MTAP: variants seen among roughly 807,000 people sequenced by gnomAD.
The protein encoded by MTAP is S-methyl-5'-thioadenosine phosphorylase.
In MTAP, 33 loss-of-function variants were observed where a neutral mutation model predicts 33.6. That is an observed-to-expected ratio of 0.98 (90% CI 0.74 to 1.31). The LOEUF is 1.31. MTAP is among the 40% of genes most tolerant of loss of function. MTAP has a pLI of 0.00. For synonymous variants in MTAP, 148 were observed against 125.7 expected (o/e 1.18, Z -1.19); for missense variants, 367 against 360.0 (o/e 1.02, Z -0.16).
chr9:21,912,467 G>T (rs1030762455), intron 1 of MTAP, among the ~76,000 whole-genome samples: 10 of 152,168 alleles, frequency 6.6e-5, no homozygotes, highest in African/African-American at 2.4e-4. Flanking sequence ...GGGATGCAAG[G>T]CTGGTTCAAC....
At position 21,862,051 on chromosome 9, in the gene MTAP, A is replaced by G. The variant is rs375541397; in HGVS notation, c.*37A>G. On this transcript the variant is annotated 3_prime_UTR_variant, in exon 8 of 8. Coordinates refer to ENST00000644715, the MANE Select transcript of MTAP (RefSeq NM_002451.4). Reference sequence around the variant, plus strand: ...TGCCCAGGAGAAAAGAAGACATTCTAATTCCAGTCATTTTGGGAATTCCTG... The same window carrying G: ...TGCCCAGGAGAAAAGAAGACATTCTGATTCCAGTCATTTTGGGAATTCCTG... 6.2e-7 allele frequency: 1 copy of G among 1,610,292 alleles called. No individual in the cohort carries two copies. The highest frequency in any genetic ancestry group is 1.3e-5 in the African/African-American group (1 of 74,868).
chr9:21,935,062 G>A (rs1819021241), downstream of MTAP: 1 of 152,090 alleles, frequency 6.6e-6, no homozygotes. Flanking sequence ...TGTAAAAATT[G>A]TTAATAGGAA....
intron 1 of MTAP, among the ~76,000 whole-genome samples, chr9:21,915,055 CCTTTCTTT>C (rs1222666142): frequency 2.7e-4 from 7 of 25,854 alleles, no homozygotes; most frequent in South Asian, 2.1e-3. Context: ...TTCCTTCCTT[CCTTTCTTT>C]CTTTCTTTCT....
chr9:21,843,127 GA>G (rs1382358995), intron 5 of MTAP, among the ~76,000 whole-genome samples: 4 of 152,134 alleles, frequency 2.6e-5, no homozygotes, highest in African/African-American at 7.2e-5. Context: ...TTTTATATCA[GA>G]AAAGAACAGA....
intron 4 of MTAP, among the ~76,000 whole-genome samples, chr9:21,819,479 T>C (rs535969376): frequency 1.3e-5 from 2 of 152,354 alleles, no homozygotes; most frequent in African/African-American, 2.4e-5. Context: ...CTAATCCCTT[T>C]TTATGGCTGC....
chr9:21,854,937 G>A lies in MTAP; in HGVS notation c.690+67G>A, dbSNP rs563116699. 1.5e-5 allele frequency: 23 copies of A among 1,554,854 alleles called. No homozygotes were observed. The South Asian group carries it at 2.7e-4, about 18-fold the overall frequency. On this transcript the variant is annotated intron_variant, in intron 6 of 7. Transcript: ENST00000644715. ...TGGGTGCCAATAGGGTGTCTTAACTGTTTGTTTCTATTACGTTAGTTTCAG... is the reference window on the plus strand; with the variant it reads ...TGGGTGCCAATAGGGTGTCTTAACTATTTGTTTCTATTACGTTAGTTTCAG...
At chr9:21,856,444 T>A (rs1248412718) in intron 6 of MTAP, among the ~76,000 whole-genome samples, 1 of 152,212 alleles carries the variant, frequency 6.6e-6, no homozygotes, top group African/African-American at 2.4e-5. Context: ...CACAACATAA[T>A]ATCTTATTTG....
chr9:21,849,626 A>G (rs1825465061), intron 5 of MTAP, among the ~76,000 whole-genome samples: 1 of 152,224 alleles, frequency 6.6e-6, no homozygotes, highest in South Asian at 2.1e-4. Context: ...ACCTAGAAAA[A>G]TAGTAAAGCA....
chr9:21,839,759 G>C (rs1825197918), intron 5 of MTAP, among the ~76,000 whole-genome samples: 1 of 152,296 alleles, frequency 6.6e-6, no homozygotes, highest in African/African-American at 2.4e-5. Context: ...GGACTGTCAT[G>C]ATGAATTGTC....
chr9:21,837,989 G>C lies in MTAP; in HGVS notation c.429G>C (p.Pro143=). The part of the protein sequence containing the change: ...RGVCHIPMAE[P]FCPKTREVLI... ...TGTGCCATATTCCAATGGCTGAGCC[G>C]TTTTGCCCCAAAACGAGAGAGGTGT... is the stretch of plus-strand genomic sequence containing the variant. Residue 143 remains proline, a synonymous_variant, in exon 5 of 8, where the codon CCG becomes CCC. Transcript: ENST00000644715. 6.2e-7 allele frequency: 1 copy of C among 1,613,948 alleles called. No individual in the cohort carries two copies. The highest frequency in any genetic ancestry group is 1.1e-5 in the South Asian group (1 of 91,076).
intron 1 of MTAP, among the ~76,000 whole-genome samples, chr9:21,910,524 G>A (rs895305794): frequency 6.6e-6 from 1 of 152,134 alleles, no homozygotes; most frequent in African/African-American, 2.4e-5. Flanking sequence ...AATTGGGAAA[G>A]CACATGCATG....
chr9:21,877,121 G>T (rs185220521), intron 1 of MTAP, among the ~76,000 whole-genome samples: 2 of 152,010 alleles, frequency 1.3e-5, no homozygotes, highest in Non-Finnish European at 2.9e-5. Context: ...TCTTGTGGCA[G>T]TTGTGAATGG....
chr9:21,926,494 C>T (rs1023746000), intron 1 of MTAP, among the ~76,000 whole-genome samples: 3 of 152,162 alleles, frequency 2.0e-5, no homozygotes, highest in Non-Finnish European at 2.9e-5. Context: ...TCTTAGAGCT[C>T]AAAGATGCTT....
intron 1 of MTAP, among the ~76,000 whole-genome samples, chr9:21,927,246 C>T (rs908174277): frequency 6.6e-6 from 1 of 152,160 alleles, no homozygotes; most frequent in Non-Finnish European, 1.5e-5. Context: ...AGAACCTAGA[C>T]CCAGTAGTGC....
chr9:21,832,092 C>T (rs150963772), intron 4 of MTAP, among the ~76,000 whole-genome samples: 246 of 152,318 alleles, frequency 1.6e-3, no homozygotes, highest in Non-Finnish European at 2.8e-3. Flanking sequence ...CTCCCCTCTT[C>T]AGATTATTTC....
chr9:21,882,072 G>GT (rs1350113167), intron 1 of MTAP, among the ~76,000 whole-genome samples: 1 of 151,692 alleles, frequency 6.6e-6, no homozygotes, highest in East Asian at 1.9e-4. Flanking sequence ...TTAGCAACAG[G>GT]TATAGCATGC....
intron 1 of MTAP, chr9:21,811,952 T>A (rs924729027): frequency 3.3e-5 from 11 of 329,326 alleles, no homozygotes; most frequent in Non-Finnish European, 6.6e-5. Context: ...TGTTCATATT[T>A]TGGGCATTAA....
intron 1 of MTAP, among the ~76,000 whole-genome samples, chr9:21,921,861 G>A (rs772530075): frequency 7.9e-5 from 12 of 152,098 alleles, no homozygotes; most frequent in Non-Finnish European, 1.3e-4. Context: ...CAAGCCTGCA[G>A]TCCCAACTAC....
chr9:21,859,471 T>C, intron 7 of MTAP, 46 bp downstream of exon 7: 1 of 1,545,352 alleles, frequency 6.5e-7, no homozygotes, highest in African/African-American at 1.4e-5. Flanking sequence ...AGACTCTCTA[T>C]TGTCTTCTTT....
Sources: gnomAD v4.1 joint callset for allele counts (sites outside exome capture counted in the v4.1 genomes callset) on GRCh38, gnomAD v4.1.1 for gene constraint, MANE v1.5 for transcripts, NCBI Gene and HGNC (gene_info 2026-07-23, HGNC 2026-07-21) for gene names.